The following ADCY9 variants were observed in gnomAD, a reference collection of about 807,000 sequenced individuals.
The protein encoded by ADCY9 is adenylate cyclase 9.
In ADCY9, 50 loss-of-function variants were observed where a neutral mutation model predicts 101.5. The ratio of observed to expected loss-of-function variants is 0.49; its 90% CI spans 0.39 to 0.62. The LOEUF (loss-of-function observed/expected upper bound fraction) is 0.62. Among genes scored for constraint, ADCY9 ranks in the 20% least tolerant of loss-of-function variants. The pLI is 0.00. For missense variants in ADCY9, 1,662 were observed against 1,800.4 expected (o/e 0.92, Z 1.39); for synonymous variants, 905 against 769.3 (o/e 1.18, Z -2.92).
intron 2 of ADCY9, among the ~76,000 whole-genome samples, chr16:4,098,188 C>G (rs1474846649): frequency 6.6e-6 from 1 of 151,760 alleles, no homozygotes; most frequent in Non-Finnish European, 1.5e-5. Flanking sequence ...CCTCAGTCTG[C>G]AAACATGTCA....
At chr16:4,027,697 T>C (rs2056526336) in intron 2 of ADCY9, among the ~76,000 whole-genome samples, 1 of 152,000 alleles carries the variant, frequency 6.6e-6, no homozygotes, top group African/African-American at 2.4e-5. Context: ...GCCAACATGG[T>C]GAAACCCCAT....
At chr16:4,103,984 G>A (rs1047382475) in intron 2 of ADCY9, among the ~76,000 whole-genome samples, 2 of 152,320 alleles carry the variant, frequency 1.3e-5, no homozygotes, top group South Asian at 4.1e-4. Context: ...TCAAAGCACA[G>A]CGGTCCTGGA....
chr16:4,051,685 G>A (rs755618090), intron 2 of ADCY9, among the ~76,000 whole-genome samples: 7 of 152,304 alleles, frequency 4.6e-5, no homozygotes, highest in Admixed American at 3.3e-4. Flanking sequence ...AACCCAATGG[G>A]TAAAATAGGA....
intron 6 of ADCY9, chr16:3,983,716 C>T (rs2056166390): frequency 2.1e-6 from 1 of 466,464 alleles, no homozygotes; most frequent in Non-Finnish European, 3.9e-6. Context: ...GTCGCTGGAG[C>T]CCAGGAGTTC....
chr16:3,989,498 C>T (rs1433587519), intron 5 of ADCY9, among the ~76,000 whole-genome samples: 1 of 152,140 alleles, frequency 6.6e-6, no homozygotes, highest in African/African-American at 2.4e-5. Flanking sequence ...CCTGCCTCAG[C>T]CTCCTGAGTA....
At chr16:4,058,755 C>T (rs1176742980) in intron 2 of ADCY9, among the ~76,000 whole-genome samples, 2 of 152,030 alleles carry the variant, frequency 1.3e-5, no homozygotes, top group South Asian at 4.2e-4. Context: ...CTGAGTCCAC[C>T]GAGGAGCTAA....
chr16:3,988,216 G>T (rs1597147710), intron 6 of ADCY9, among the ~76,000 whole-genome samples: 1 of 152,140 alleles, frequency 6.6e-6, no homozygotes, highest in Non-Finnish European at 1.5e-5. Context: ...CTTCTTGGAG[G>T]AAGTGGGATT....
intron 2 of ADCY9, among the ~76,000 whole-genome samples, chr16:4,080,718 G>A (rs148537908): frequency 4.2e-5 from 6 of 143,698 alleles, no homozygotes; most frequent in African/African-American, 1.5e-4. Flanking sequence ...CATTTTTTTC[G>A]TTTTTTTTTT....
intron 2 of ADCY9, among the ~76,000 whole-genome samples, chr16:4,082,092 T>C (rs1363935644): frequency 1.3e-5 from 2 of 152,038 alleles, no homozygotes; most frequent in Admixed American, 6.6e-5. Flanking sequence ...AAATGCTGCA[T>C]GAAGGTTGGG....
At chr16:4,041,730 T>G (rs988744066) in intron 2 of ADCY9, among the ~76,000 whole-genome samples, 22 of 151,328 alleles carry the variant, frequency 1.5e-4, no homozygotes, top group Non-Finnish European at 2.9e-4. Flanking sequence ...AACAATTTTT[T>G]GTTTTTATTT....
At chr16:3,983,155 C>G (rs748421718) in intron 7 of ADCY9, 77 bp downstream of exon 7, 2 of 1,363,258 alleles carry the variant, frequency 1.5e-6, no homozygotes, top group African/African-American at 2.9e-5. Flanking sequence ...CCAGTCCAAC[C>G]GCTCAGCCAT....
intron 2 of ADCY9, among the ~76,000 whole-genome samples, chr16:4,110,540 C>G (rs1198759260): frequency 6.6e-6 from 1 of 152,100 alleles, no homozygotes; most frequent in African/African-American, 2.4e-5. Flanking sequence ...CAGGCGCACA[C>G]CACCACACCA....
rs1313240799 is a variant in ADCY9 at position 4,097,547 on chromosome 16, ATATATATTTTTT to A, written c.1693+16191_1693+16202del. 2.4e-4 allele frequency among the ~76,000 whole-genome samples: 11 copies of A among 46,694 alleles called. 1 individual carries two copies. The highest frequency in any genetic ancestry group is 1.5e-3 in the African/African-American group (11 of 7,402). The allele number at this position is 46,694 out of a possible 152,430, so 30.6% of individuals were successfully genotyped here. On this transcript the variant is annotated intron_variant, in intron 2 of 10. Transcript: ENST00000294016. ...TATGTACATATATATATATATATAT[ATATATATTTTTT>A]TTTTTTTTTTTTAAGACAGAGTCTT...
At chr16:4,087,210 G>C (rs1276513348) in intron 2 of ADCY9, among the ~76,000 whole-genome samples, 2 of 151,930 alleles carry the variant, frequency 1.3e-5, no homozygotes, top group East Asian at 3.9e-4. Context: ...TTTGTATGGA[G>C]ATTCGTTTGT....
intron 3 of ADCY9, among the ~76,000 whole-genome samples, chr16:3,995,695 G>T (rs747056527): frequency 6.6e-6 from 1 of 151,710 alleles, no homozygotes. Context: ...TATTATTTTG[G>T]AAATTTAAAG....
At chr16:4,061,312 A>G (rs971475305) in intron 2 of ADCY9, among the ~76,000 whole-genome samples, 6 of 152,336 alleles carry the variant, frequency 3.9e-5, no homozygotes, top group African/African-American at 1.2e-4. Context: ...CTAATGGCAT[A>G]AACTTCTCAC....
intron 2 of ADCY9, among the ~76,000 whole-genome samples, chr16:4,033,139 C>T (rs1286700242): frequency 6.6e-6 from 1 of 152,138 alleles, no homozygotes; most frequent in Non-Finnish European, 1.5e-5. Flanking sequence ...AGGCTGCCTT[C>T]CAGGGTAAAA....
chr16:4,085,398 A>G (rs937654413), intron 2 of ADCY9, among the ~76,000 whole-genome samples: 1 of 152,044 alleles, frequency 6.6e-6, no homozygotes, highest in Non-Finnish European at 1.5e-5. Context: ...CAGGTTCCAA[A>G]AGAGAGCCGC....
At position 3,989,239 on chromosome 16, in the gene ADCY9, A is replaced by G. The variant is rs571324505; in HGVS notation, c.2208-143T>C. ...TAAAAGCGCCTGTGGAACAGACGCC[A>G]CTCAGCTGCCCCTTGTTAAAACAGA... On this transcript the variant is annotated intron_variant, in intron 5 of 10. Transcript: ENST00000294016. 1.8e-5 allele frequency: 11 copies of G among 606,676 alleles called. No individual in the cohort carries two copies. The African/African-American group carries it at 1.8e-4, about 10-fold the overall frequency. 37.6% of individuals were successfully genotyped at this position (606,676 alleles called of 1,614,324 possible).
Sources: gnomAD v4.1 joint callset for allele counts (sites outside exome capture counted in the v4.1 genomes callset) on GRCh38, gnomAD v4.1.1 for gene constraint, MANE v1.5 for transcripts, NCBI Gene and HGNC (gene_info 2026-07-23, HGNC 2026-07-21) for gene names.